SLC35F3: variants seen among roughly 807,000 people sequenced by gnomAD.
The protein encoded by SLC35F3 is solute carrier family 35 member F3, also known as putative thiamine transporter SLC35F3.
Under a neutral mutation model 49.9 loss-of-function variants are expected in SLC35F3, and 25 were observed. That is an observed-to-expected ratio of 0.50 (90% CI 0.37 to 0.70). The LOEUF (loss-of-function observed/expected upper bound fraction) is 0.70, where lower values mean the gene tolerates loss of function less well. Ranked by LOEUF, SLC35F3 falls within the 30% of genes least tolerant of loss-of-function variation. The pLI, the probability that SLC35F3 is intolerant of heterozygous loss-of-function variation, is 0.00. For synonymous variants in SLC35F3, 275 were observed against 265.4 expected, an observed-to-expected ratio of 1.04 and a Z score of -0.35; for missense variants, 525 against 639.8, an observed-to-expected ratio of 0.82 and a Z score of 1.94.
intron 2 of SLC35F3, among the ~76,000 whole-genome samples, chr1:234,029,868 T>TA (rs1292422871): frequency 6.6e-6 from 1 of 152,052 alleles, no homozygotes; most frequent in African/African-American, 2.4e-5. Context: ...TCTCAAATAA[T>TA]AATAATAATT....
At chr1:234,297,438 T>C (rs1323689789) in intron 3 of SLC35F3, among the ~76,000 whole-genome samples, 3 of 152,214 alleles carry the variant, frequency 2.0e-5, no homozygotes, top group Non-Finnish European at 4.4e-5. Flanking sequence ...GTATACAACA[T>C]GTAATACTAT....
rs139088944 is a variant in SLC35F3 at position 234,042,544 on chromosome 1, T to G, written c.283+136786T>G. On this transcript the variant is annotated intron_variant, in intron 2 of 7. Coordinates refer to ENST00000366618, the MANE Select transcript of SLC35F3 (RefSeq NM_173508.4). The stretch of plus-strand genomic sequence containing the variant: ...CAAATTCTTTTTTCTTTTGTTTTTT[T>G]CAACATCAGTTAAAGAGCATGCATC... Among the ~76,000 whole-genome samples, 829 of 152,302 alleles carry G rather than the reference T, an allele frequency of 5.4e-3. 5 individuals are homozygous for G. The highest frequency in any genetic ancestry group is 0.019 in the African/African-American group (785 of 41,564).
chr1:234,140,881 G>T (rs1320595707), intron 2 of SLC35F3, among the ~76,000 whole-genome samples: 1 of 152,146 alleles, frequency 6.6e-6, no homozygotes, highest in Non-Finnish European at 1.5e-5. Context: ...AGTTGCCAAG[G>T]AGTCACCATT....
chr1:234,227,641 G>A (rs556789335), intron 2 of SLC35F3, among the ~76,000 whole-genome samples: 10 of 151,812 alleles, frequency 6.6e-5, no homozygotes, highest in South Asian at 4.2e-4. Context: ...CTCGTGATCC[G>A]CCCACCTCGG....
intron 3 of SLC35F3, among the ~76,000 whole-genome samples, chr1:234,251,377 C>A (rs949830169): frequency 5.3e-5 from 8 of 151,438 alleles, no homozygotes; most frequent in African/African-American, 1.5e-4. Context: ...TTGAGTTTGA[C>A]CCTTTCGCCC....
chr1:234,247,904 T>TTGGTTGGTTGGTCC (rs1157630207), intron 3 of SLC35F3, among the ~76,000 whole-genome samples: 1,035 of 150,526 alleles, frequency 6.9e-3, no homozygotes, highest in Middle Eastern at 0.025. Context: ...GTTTGGTGGG[T>TTGGTTGGTTGGTCC]AGGTTGGTTG....
chr1:234,176,679 C>T (rs1393921855), intron 2 of SLC35F3, among the ~76,000 whole-genome samples: 2 of 152,108 alleles, frequency 1.3e-5, no homozygotes, highest in African/African-American at 4.8e-5. Context: ...CATTCTACTT[C>T]AGAACCACCA....
At chr1:234,043,189 C>G (rs1664246669) in intron 2 of SLC35F3, among the ~76,000 whole-genome samples, 1 of 152,146 alleles carries the variant, frequency 6.6e-6, no homozygotes, top group Middle Eastern at 3.2e-3. Context: ...CTCAGAGTGA[C>G]CTTACACTTG....
chr1:234,222,563 T>A (rs1397051684), intron 2 of SLC35F3, among the ~76,000 whole-genome samples: 3 of 152,166 alleles, frequency 2.0e-5, no homozygotes, highest in African/African-American at 7.2e-5. Context: ...CCCCCATAGC[T>A]GCCCAGCACC....
chr1:234,105,172 G>A (rs1665267289), intron 2 of SLC35F3, among the ~76,000 whole-genome samples: 1 of 151,592 alleles, frequency 6.6e-6, no homozygotes, highest in African/African-American at 2.4e-5. Flanking sequence ...CTTTGAGTAG[G>A]AAGAAGGCCT....
chr1:233,923,637 A>G (rs1392608073), intron 2 of SLC35F3, among the ~76,000 whole-genome samples: 1 of 152,054 alleles, frequency 6.6e-6, no homozygotes, highest in Non-Finnish European at 1.5e-5. Flanking sequence ...AATACCCTTT[A>G]TTTCCTTCTC....
At chr1:233,927,766 G>A (rs1345491357) in intron 2 of SLC35F3, among the ~76,000 whole-genome samples, 1 of 151,842 alleles carries the variant, frequency 6.6e-6, no homozygotes. Flanking sequence ...AAATATATAA[G>A]GGAGAAAATG....
chr1:234,247,828 C>CTGGTGCATTGTTTGATGGGTCAGTTGGT (rs1667662839), intron 3 of SLC35F3, among the ~76,000 whole-genome samples: 1 of 135,180 alleles, frequency 7.4e-6, no homozygotes, highest in Non-Finnish European at 1.6e-5. Flanking sequence ...GGTCAGTTGG[C>CTGGTGCATTGTTTGATGGGTCAGTTGGT]TGGTGCATTG....
chr1:233,908,208 A>T (rs1661807437), intron 2 of SLC35F3, among the ~76,000 whole-genome samples: 1 of 151,752 alleles, frequency 6.6e-6, no homozygotes, highest in Non-Finnish European at 1.5e-5. Context: ...CAAAAAAAAA[A>T]AATTCTCATG....
intron 2 of SLC35F3, among the ~76,000 whole-genome samples, chr1:234,162,843 C>CAT (rs1666248809): frequency 6.6e-6 from 1 of 152,176 alleles, no homozygotes; most frequent in African/African-American, 2.4e-5. Context: ...GTTCCCTGTG[C>CAT]ATATTTCTCT....
At chr1:233,962,802 G>A (rs1662826338) in intron 2 of SLC35F3, among the ~76,000 whole-genome samples, 2 of 152,206 alleles carry the variant, frequency 1.3e-5, no homozygotes, top group South Asian at 2.1e-4. Context: ...AACCTCTACA[G>A]TGCATTCCTT....
chr1:234,323,622 T>C lies in SLC35F3; in HGVS notation c.*379T>C, dbSNP rs536613297. On this transcript the variant is annotated 3_prime_UTR_variant, in exon 8 of 8. Coordinates refer to ENST00000366618, the MANE Select transcript of SLC35F3 (RefSeq NM_173508.4). The surrounding 1 kb of genome is among the most constrained non-coding windows in gnomAD (Gnocchi z 4.5). ...CATGACATTGCACACTGTGATTATT[T>C]TTCAGCTATGGTAGGTCATATTTTG... 6 of 210,110 alleles carry C rather than the reference T, an allele frequency of 2.9e-5. No individual in the cohort carries two copies. Among genetic ancestry groups the C allele is most frequent in the Non-Finnish European group, 5.8e-5 (6 of 103,954 alleles). 13.0% of individuals were successfully genotyped at this position (210,110 alleles called of 1,614,324 possible).
At chr1:234,268,601 T>C (rs1668045860) in intron 3 of SLC35F3, 1 of 152,226 alleles carries the variant, frequency 6.6e-6, no homozygotes, top group African/African-American at 2.4e-5. Context: ...GCAGTGTTTT[T>C]AATAACAAAA....
At chr1:233,925,343 A>G (rs1292497894) in intron 2 of SLC35F3, among the ~76,000 whole-genome samples, 1 of 152,214 alleles carries the variant, frequency 6.6e-6, no homozygotes, top group Non-Finnish European at 1.5e-5. Context: ...TATATTTATA[A>G]TAGTTAGCTC....
Sources: gnomAD v4.1 joint callset for allele counts (sites outside exome capture counted in the v4.1 genomes callset) on GRCh38, gnomAD v4.1.1 for gene constraint, Gnocchi (gnomAD v3.1) non-coding constraint, MANE v1.5 for transcripts, NCBI Gene and HGNC (gene_info 2026-07-23, HGNC 2026-07-21) for gene names.